TRAPPC12: variants seen among roughly 807,000 people sequenced by gnomAD.
TRAPPC12 encodes the protein TPR repeat protein 15.
In TRAPPC12, 61 loss-of-function variants were observed where a neutral mutation model predicts 69.2. That is an observed-to-expected ratio of 0.88 (90% CI 0.72 to 1.09). The LOEUF (loss-of-function observed/expected upper bound fraction) is 1.09, where lower values mean the gene tolerates loss of function less well. Ranked by LOEUF, TRAPPC12 falls within the 50% of genes least tolerant of loss-of-function variation. TRAPPC12 has a pLI of 0.00. For missense variants in TRAPPC12, 1,101 were observed against 1,016.4 expected, an observed-to-expected ratio of 1.08 and a Z score of -1.13; for synonymous variants, 469 against 438.9, an observed-to-expected ratio of 1.07 and a Z score of -0.86.
chr2:3,389,009 T>C (rs560074159), intron 2 of TRAPPC12: 5 of 231,552 alleles, frequency 2.2e-5, no homozygotes, highest in African/African-American at 1.1e-4. Context: ...CTTTAAAATA[T>C]GGAAAAATAT....
intron 3 of TRAPPC12, among the ~76,000 whole-genome samples, chr2:3,404,052 G>C (rs1661594949): frequency 6.6e-6 from 1 of 152,166 alleles, no homozygotes; most frequent in African/African-American, 2.4e-5. Flanking sequence ...CACTTTAGAA[G>C]CTTTCCTGGG....
At chr2:3,447,817 G>A (rs1269094921) in intron 6 of TRAPPC12, among the ~76,000 whole-genome samples, 1 of 152,176 alleles carries the variant, frequency 6.6e-6, no homozygotes, top group East Asian at 1.9e-4. Flanking sequence ...TAAAGAGAGA[G>A]GTCAGACCAG....
intron 6 of TRAPPC12, among the ~76,000 whole-genome samples, chr2:3,453,737 C>T (rs1045140643): frequency 3.3e-5 from 5 of 152,220 alleles, no homozygotes; most frequent in African/African-American, 9.6e-5. Context: ...AAATTCCAGC[C>T]GCACCACATT....
chr2:3,401,649 T>C, intron 2 of TRAPPC12, 128 bp from the exon 3 acceptor site: 1 of 517,792 alleles, frequency 1.9e-6, no homozygotes, highest in East Asian at 3.1e-5. Flanking sequence ...TTTACGATAC[T>C]ATAACCGTTA....
chr2:3,401,409 G>A (rs528869385), intron 2 of TRAPPC12, among the ~76,000 whole-genome samples: 1 of 152,324 alleles, frequency 6.6e-6, no homozygotes, highest in South Asian at 2.1e-4. Flanking sequence ...ATGCTCCTGG[G>A]CCTCCCTAGG....
In TRAPPC12 at chr2:3,380,140, C is replaced by T. The variant is rs149571328; in HGVS notation, c.-5+264C>T. Among the ~76,000 whole-genome samples, 66 of 152,280 alleles carry T rather than the reference C, an allele frequency of 4.3e-4. 1 individual carries two copies. In the East Asian group the frequency reaches 0.013, roughly 29 times the overall value. ...GCGTCTCTGCAGCCCGCGGAGTTTG[C>T]GGGAAGGGGAAGCTGCTGCGAAGCG... On this transcript the variant is annotated intron_variant, in intron 1 of 11. Coordinates refer to ENST00000324266, the MANE Select transcript of TRAPPC12 (RefSeq NM_016030.6).
At chr2:3,407,956 C>G (rs906106361) in intron 3 of TRAPPC12, among the ~76,000 whole-genome samples, 6 of 152,256 alleles carry the variant, frequency 3.9e-5, no homozygotes, top group Admixed American at 2.0e-4. Flanking sequence ...GGCTCTGGCT[C>G]TCACAGTAGC....
intron 1 of TRAPPC12, among the ~76,000 whole-genome samples, chr2:3,381,185 G>A (rs991508614): frequency 6.6e-6 from 1 of 152,120 alleles, no homozygotes; most frequent in African/African-American, 2.4e-5. Context: ...AAATAATAAG[G>A]TAAAATGCTT....
intron 9 of TRAPPC12, among the ~76,000 whole-genome samples, chr2:3,476,015 G>A (rs1331844205): frequency 2.0e-5 from 3 of 152,182 alleles, no homozygotes; most frequent in Admixed American, 6.5e-5. Context: ...GCCGCGTCAC[G>A]GAGCCCATGC....
chr2:3,385,484 T>G (rs1660449142), intron 1 of TRAPPC12, among the ~76,000 whole-genome samples: 1 of 152,200 alleles, frequency 6.6e-6, no homozygotes, highest in Non-Finnish European at 1.5e-5. Flanking sequence ...TTTTATTATT[T>G]TGGTGGTTTT....
intron 2 of TRAPPC12, among the ~76,000 whole-genome samples, chr2:3,391,898 G>A (rs1660844700): frequency 6.6e-6 from 1 of 152,040 alleles, no homozygotes; most frequent in African/African-American, 2.4e-5. Context: ...CTGGCCTTTA[G>A]CACTTTCTTT....
intron 1 of TRAPPC12, among the ~76,000 whole-genome samples, chr2:3,382,284 G>GC (rs1337359358): frequency 1.3e-5 from 2 of 151,846 alleles, no homozygotes; most frequent in Admixed American, 6.6e-5. Context: ...ACAGGCGCCC[G>GC]CCACCATGCC....
chr2:3,412,012 T>G (rs1662091904), intron 3 of TRAPPC12, among the ~76,000 whole-genome samples: 1 of 152,210 alleles, frequency 6.6e-6, no homozygotes, highest in Non-Finnish European at 1.5e-5. Context: ...AACTCACTAG[T>G]AAATTATAAT....
At position 3,387,997 on chromosome 2, in the gene TRAPPC12, C is replaced by G. The variant is rs2103428778; in HGVS notation, c.374C>G (p.Pro125Arg). ...DGDCAPEDAAPSSGGAPRQDA... is the reference protein window; with the variant it reads ...DGDCAPEDAARSSGGAPRQDA... ...GACTGTGCCCCCGAGGACGCGGCAC[C>G]CAGTAGCGGAGGGGCCCCGAGGCAG... Residue 125 changes from proline to arginine, a missense_variant, in exon 2 of 12, where the codon CCC becomes CGC. Physicochemically the swap from Pro to Arg is moderately radical, Grantham distance 103. Coordinates refer to ENST00000324266, the MANE Select transcript of TRAPPC12 (RefSeq NM_016030.6). The G allele has an allele frequency of 6.8e-7, 1 of 1,470,234 alleles. No individual in the cohort carries two copies. Among genetic ancestry groups the G allele is most frequent in the African/African-American group, 1.5e-5 (1 of 67,790 alleles). 91.1% of individuals were successfully genotyped at this position (1,470,234 alleles called of 1,614,324 possible). A position where few individuals can be genotyped will look rare whatever the true frequency, so the allele number is the denominator to read the frequency against.
intron 2 of TRAPPC12, among the ~76,000 whole-genome samples, chr2:3,390,797 G>A (rs1165002778): frequency 1.3e-5 from 2 of 152,158 alleles, no homozygotes; most frequent in East Asian, 1.9e-4. Context: ...CCACTCTGGC[G>A]AGGTGCGTTG....
chr2:3,407,947 G>C (rs1409034195), intron 3 of TRAPPC12, among the ~76,000 whole-genome samples: 1 of 152,100 alleles, frequency 6.6e-6, no homozygotes, highest in South Asian at 2.1e-4. Context: ...ATAAGAACTG[G>C]CTCTGGCTCT....
At position 3,424,593 on chromosome 2, in the gene TRAPPC12, A is replaced by G. The variant is rs117838642; in HGVS notation, c.1347A>G (p.Glu449=). ...TCCAGAATGCTGAGATGGAATTTGA[A>G]CCCTTCGGAAATCTTGATCAGCCAG... is the stretch of plus-strand genomic sequence containing the variant. ...GLFQNAEMEF[E]PFGNLDQPDL... is the part of the protein sequence containing the mutation. Residue 449 remains glutamate (E), a synonymous_variant, in exon 5 of 12, where the codon GAA becomes GAG. Coordinates refer to ENST00000324266, the MANE Select transcript of TRAPPC12 (RefSeq NM_016030.6). 3.2e-3 allele frequency: 5,145 copies of G among 1,613,900 alleles called. 86 individuals carry two copies. In the Admixed American group the frequency reaches 0.034, roughly 11 times the overall value.
At chr2:3,458,753 A>G (rs114926506) in intron 7 of TRAPPC12, among the ~76,000 whole-genome samples, 5,978 of 152,274 alleles carry the variant, frequency 0.039, 350 homozygotes, top group African/African-American at 0.13. Context: ...ATGAGCATGT[A>G]GTTATCAGAG....
intron 2 of TRAPPC12, 69 bp downstream of exon 2, chr2:3,388,739 C>T: frequency 2.9e-6 from 4 of 1,396,022 alleles, no homozygotes; most frequent in Non-Finnish European, 3.8e-6. Flanking sequence ...GCACAGTGCC[C>T]CTTTAGGGAT....
Sources: allele counts gnomAD v4.1 joint callset (sites outside exome capture counted in the v4.1 genomes callset), GRCh38; gene constraint gnomAD v4.1.1; transcripts MANE v1.5; gene names NCBI Gene and HGNC (gene_info 2026-07-23, HGNC 2026-07-21).